GNG2: variants seen among roughly 807,000 people sequenced by gnomAD.
The protein encoded by GNG2 is guanine nucleotide-binding protein G(I)/G(S)/G(O) subunit gamma-2.
A neutral mutation model predicts 5.5 loss-of-function variants in GNG2; 5 were observed. That is an observed-to-expected ratio of 0.91 (90% confidence interval 0.48 to 1.92). GNG2 has a LOEUF of 1.92. Among genes scored for constraint, GNG2 ranks in the 30% most tolerant of loss-of-function variants. The pLI, the probability that GNG2 is intolerant of heterozygous loss-of-function variation, is 0.01. For missense variants in GNG2, 55 were observed against 88.4 expected, an observed-to-expected ratio of 0.62 and a Z score of 1.52; for synonymous variants, 28 against 32.0, an observed-to-expected ratio of 0.88 and a Z score of 0.42.
chr14:51,962,033 C>T (rs1027073149), intron 3 of GNG2, among the ~76,000 whole-genome samples: 2 of 152,116 alleles, frequency 1.3e-5, no homozygotes, highest in Admixed American at 6.6e-5. Context: ...TAGTTATGAA[C>T]ACAGGAAATC....
At chr14:51,859,556 T>C (rs1444836324), upstream of GNG2, among the ~76,000 whole-genome samples, 1 of 152,228 alleles carries the variant, frequency 6.6e-6, no homozygotes, top group African/African-American at 2.4e-5. Context: ...GCACCTTGTA[T>C]ACCATCTCAT....
intron 2 of GNG2, among the ~76,000 whole-genome samples, chr14:51,891,791 C>A (rs1285115171): frequency 1.3e-5 from 2 of 152,182 alleles, no homozygotes; most frequent in Non-Finnish European, 2.9e-5. Context: ...TATCATTCTT[C>A]CACTGTGTGA....
intron 3 of GNG2, among the ~76,000 whole-genome samples, chr14:51,958,820 C>A (rs1889431292): frequency 6.6e-6 from 1 of 152,124 alleles, no homozygotes; most frequent in Admixed American, 6.6e-5. Context: ...CCTACCTAAT[C>A]ATTTTAAGAT....
intron 2 of GNG2, among the ~76,000 whole-genome samples, chr14:51,878,976 G>A (rs896738447): frequency 1.3e-5 from 2 of 152,178 alleles, no homozygotes; most frequent in South Asian, 2.1e-4. Context: ...TTGCTGGCAC[G>A]TCCAATGGGA....
At chr14:51,962,357 G>C (rs1385035796) in intron 3 of GNG2, among the ~76,000 whole-genome samples, 3 of 152,164 alleles carry the variant, frequency 2.0e-5, no homozygotes, top group Admixed American at 2.0e-4. Flanking sequence ...TGAATATAAT[G>C]TGATTGAAAG....
In GNG2 at chr14:51,877,087, A is replaced by G. The variant is rs532834992; in HGVS notation, c.-70-530A>G. Among the ~76,000 whole-genome samples, 12 of 152,260 alleles carry G rather than the reference A, an allele frequency of 7.9e-5. No homozygotes were observed. The East Asian group carries it at 1.2e-3, about 15-fold the overall frequency. ...GGTGTCTTCTACTTCTAAACAGCCT[A>G]TAGAAGCTGTGGGTGCCAAAGATAC... On this transcript the variant is annotated intron_variant, in intron 1 of 3. Coordinates refer to ENST00000556766, the MANE Select transcript of GNG2 (RefSeq NM_053064.5).
At chr14:51,886,754 T>C (rs1241042870) in intron 2 of GNG2, among the ~76,000 whole-genome samples, 3 of 152,204 alleles carry the variant, frequency 2.0e-5, no homozygotes, top group Admixed American at 2.0e-4. Flanking sequence ...TAACCTGAAC[T>C]GATTCTTCCA....
At chr14:51,927,921 T>A (rs1197318768) in intron 2 of GNG2, among the ~76,000 whole-genome samples, 2 of 151,992 alleles carry the variant, frequency 1.3e-5, no homozygotes, top group Non-Finnish European at 2.9e-5. Context: ...GATCCCCTTG[T>A]GTACTTAGAA....
At chr14:51,942,571 C>CTCTTTCTTTCTT (rs1555356824) in intron 2 of GNG2, among the ~76,000 whole-genome samples, 988 of 55,602 alleles carry the variant, frequency 0.018, 79 homozygotes, top group South Asian at 0.1. Flanking sequence ...TTTATTTTTT[C>CTCTTTCTTTCTT]TCTTTCTTTC....
chr14:51,871,578 G>A (rs1318755238), intron 1 of GNG2, among the ~76,000 whole-genome samples: 1 of 152,100 alleles, frequency 6.6e-6, no homozygotes, highest in Non-Finnish European at 1.5e-5. Context: ...CATAATAAAT[G>A]TGAAATGTTT....
chr14:51,827,829 TGGAA>T, intron 2 of GNG2: 1 of 673,396 alleles, frequency 1.5e-6, no homozygotes, highest in Non-Finnish European at 2.7e-6. Flanking sequence ...CAAATGGTGA[TGGAA>T]GGATACTGCA....
intron 3 of GNG2, among the ~76,000 whole-genome samples, chr14:51,958,818 A>G (rs948375761): frequency 6.6e-6 from 1 of 152,114 alleles, no homozygotes; most frequent in African/African-American, 2.4e-5. Flanking sequence ...GTCCTACCTA[A>G]TCATTTTAAG....
intron 1 of GNG2, among the ~76,000 whole-genome samples, chr14:51,826,837 C>T (rs1237767047): frequency 6.6e-6 from 1 of 152,100 alleles, no homozygotes; most frequent in Non-Finnish European, 1.5e-5. Context: ...AAAAGAGAAA[C>T]CAAGGATAAG....
intron 2 of GNG2, among the ~76,000 whole-genome samples, chr14:51,909,054 A>G (rs779582490): frequency 5.3e-5 from 8 of 152,210 alleles, no homozygotes; most frequent in Non-Finnish European, 8.8e-5. Context: ...TATAAAATAA[A>G]GAACTGCACT....
At chr14:51,843,204 C>A (rs1881531213) in intron 2 of GNG2, among the ~76,000 whole-genome samples, 1 of 152,140 alleles carries the variant, frequency 6.6e-6, no homozygotes, top group African/African-American at 2.4e-5. Flanking sequence ...TATATTAATG[C>A]AAATATACAC....
At chr14:51,856,082 G>A (rs1882143998), upstream of GNG2, among the ~76,000 whole-genome samples, 1 of 152,176 alleles carries the variant, frequency 6.6e-6, no homozygotes, top group Non-Finnish European at 1.5e-5. Context: ...GGAAGCTGAG[G>A]CAGGAGAATC....
At chr14:51,904,287 A>C (rs1014176423) in intron 2 of GNG2, among the ~76,000 whole-genome samples, 2 of 152,188 alleles carry the variant, frequency 1.3e-5, no homozygotes, top group African/African-American at 4.8e-5. Context: ...ACCAGCTTCC[A>C]GTTCAGGGTC....
At chr14:51,902,571 A>G (rs1885639315) in intron 2 of GNG2, among the ~76,000 whole-genome samples, 1 of 152,222 alleles carries the variant, frequency 6.6e-6, no homozygotes, top group African/African-American at 2.4e-5. Flanking sequence ...CAAAAATGAG[A>G]TATAGTCATA....
intron 2 of GNG2, among the ~76,000 whole-genome samples, chr14:51,847,798 C>T (rs1881691873): frequency 6.7e-6 from 1 of 148,450 alleles, no homozygotes; most frequent in African/African-American, 2.5e-5. Context: ...GAATGTGCTC[C>T]TTGATTTTAA....
Sources: gnomAD v4.1 joint callset for allele counts (sites outside exome capture counted in the v4.1 genomes callset) on GRCh38, gnomAD v4.1.1 for gene constraint, MANE v1.5 for transcripts, NCBI Gene and HGNC (gene_info 2026-07-23, HGNC 2026-07-21) for gene names.